Variants in DLG2 observed in about 807,000 individuals in gnomAD.
DLG2 encodes the protein disks large homolog 2.
In DLG2, 45 loss-of-function variants were observed where a neutral mutation model predicts 132.5. That is an observed-to-expected ratio of 0.34 (90% confidence interval 0.27 to 0.44). The LOEUF (loss-of-function observed/expected upper bound fraction) is 0.44. Among genes scored for constraint, DLG2 ranks in the 20% least tolerant of loss-of-function variants. DLG2 has a pLI of 1.00. For missense variants in DLG2, 1,045 were observed against 1,196.9 expected, an observed-to-expected ratio of 0.87 and a Z score of 1.87; for synonymous variants, 424 against 419.6, an observed-to-expected ratio of 1.01 and a Z score of -0.13.
intron 7 of DLG2, among the ~76,000 whole-genome samples, chr11:84,369,604 C>A (rs890207920): frequency 3.3e-5 from 5 of 152,000 alleles, no homozygotes; most frequent in African/African-American, 1.2e-4. Context: ...TGAAAGTTGG[C>A]CCCTGAAGTA....
At chr11:84,614,790 T>C (rs2099601146) in intron 6 of DLG2, among the ~76,000 whole-genome samples, 1 of 152,114 alleles carries the variant, frequency 6.6e-6, no homozygotes, top group Non-Finnish European at 1.5e-5. Flanking sequence ...ACACAAGATG[T>C]GTCATGATTA....
At chr11:84,609,456 G>C (rs561906238) in intron 6 of DLG2, among the ~76,000 whole-genome samples, 3 of 152,122 alleles carry the variant, frequency 2.0e-5, no homozygotes, top group Admixed American at 6.5e-5. Context: ...CGCAGTTTTT[G>C]GTGAGAAGAC....
At chr11:83,500,622 C>G (rs1307103852) in intron 21 of DLG2, among the ~76,000 whole-genome samples, 2 of 151,960 alleles carry the variant, frequency 1.3e-5, no homozygotes. Context: ...TTTTATGCTA[C>G]TGTCAGCTAG....
At chr11:83,977,891 C>T (rs527744322) in intron 12 of DLG2, among the ~76,000 whole-genome samples, 5 of 152,134 alleles carry the variant, frequency 3.3e-5, no homozygotes, top group Middle Eastern at 3.4e-3. Flanking sequence ...TGAGTTACTA[C>T]GGGGAAGAAT....
At chr11:84,246,309 G>T (rs1471516537) in intron 8 of DLG2, among the ~76,000 whole-genome samples, 1 of 152,216 alleles carries the variant, frequency 6.6e-6, no homozygotes, top group Non-Finnish European at 1.5e-5. Flanking sequence ...CAGGATGTGA[G>T]TTATTTCTTT....
intron 7 of DLG2, among the ~76,000 whole-genome samples, chr11:84,476,336 T>C (rs1016193361): frequency 6.6e-6 from 1 of 152,146 alleles, no homozygotes; most frequent in Admixed American, 6.6e-5. Flanking sequence ...AACAAACAAA[T>C]ACTTACAAAA....
chr11:83,696,184 G>C lies in DLG2; in HGVS notation c.1826-62859C>G, dbSNP rs554356870. Among the ~76,000 whole-genome samples, 164 of 152,276 alleles carry C rather than the reference G, an allele frequency of 1.1e-3. 5 individuals are homozygous for C. The South Asian group carries it at 0.034, about 32-fold the overall frequency. Reference sequence around the variant, plus strand: ...CAATGGCAGCAGTCCAGGTAGGAGGGATAGGGCCTGATCTTAGATGGCAGC... The same window carrying C: ...CAATGGCAGCAGTCCAGGTAGGAGGCATAGGGCCTGATCTTAGATGGCAGC... On this transcript the variant is annotated intron_variant, in intron 18 of 27. Coordinates refer to ENST00000376104, the MANE Select transcript of DLG2 (RefSeq NM_001142699.3).
intron 18 of DLG2, among the ~76,000 whole-genome samples, chr11:83,758,630 C>A (rs997331350): frequency 6.6e-6 from 1 of 152,092 alleles, no homozygotes; most frequent in African/African-American, 2.4e-5. Context: ...AAAGAGAATA[C>A]AAGTAACTAT....
chr11:85,472,115 G>A (rs1361775023), intron 3 of DLG2, among the ~76,000 whole-genome samples: 1 of 152,128 alleles, frequency 6.6e-6, no homozygotes, highest in Non-Finnish European at 1.5e-5. Context: ...TCCCTGACCA[G>A]GGTGAGAATT....
In DLG2 at chr11:85,114,841, T is replaced by G. The variant is rs181423657; in HGVS notation, c.283-3106A>C. Among the ~76,000 whole-genome samples, 219 of 152,032 alleles carry G rather than the reference T, an allele frequency of 1.4e-3. 2 individuals are homozygous for G. Among genetic ancestry groups the G allele is most frequent in the African/African-American group, 2.3e-3 (96 of 41,542 alleles). On this transcript the variant is annotated intron_variant, in intron 5 of 27. Coordinates refer to ENST00000376104, the MANE Select transcript of DLG2 (RefSeq NM_001142699.3). ...TCCAAAAACATGGGAATATTTTTTT[T>G]TGTGTATCAGGGGCTTATACACAGT...
intron 14 of DLG2, among the ~76,000 whole-genome samples, chr11:83,961,467 T>C (rs2088753275): frequency 6.6e-6 from 1 of 152,066 alleles, no homozygotes; most frequent in South Asian, 2.1e-4. Context: ...TTTCTACTTA[T>C]TAATAAAAGC....
intron 6 of DLG2, chr11:84,546,632 G>C: frequency 1.9e-6 from 1 of 526,158 alleles, no homozygotes; most frequent in South Asian, 1.5e-5. Context: ...TGGCATTTAG[G>C]GCTGCATCCA....
intron 11 of DLG2, among the ~76,000 whole-genome samples, chr11:84,013,524 T>C (rs1040936314): frequency 3.9e-5 from 6 of 152,138 alleles, no homozygotes; most frequent in Admixed American, 1.3e-4. Flanking sequence ...TTTCAGTTAA[T>C]AGAACTGATT....
At chr11:85,194,913 G>A (rs2080913418) in intron 4 of DLG2, among the ~76,000 whole-genome samples, 1 of 152,184 alleles carries the variant, frequency 6.6e-6, no homozygotes. Flanking sequence ...TTGGGATGCA[G>A]CTAGGTCTCA....
chr11:84,403,395 A>C (rs534575975), intron 7 of DLG2, among the ~76,000 whole-genome samples: 2 of 152,320 alleles, frequency 1.3e-5, no homozygotes, highest in African/African-American at 2.4e-5. Context: ...CCTGACAGCC[A>C]ATCAATTGCC....
At chr11:83,957,102 T>G (rs985977072) in intron 14 of DLG2, among the ~76,000 whole-genome samples, 3 of 152,244 alleles carry the variant, frequency 2.0e-5, no homozygotes, top group African/African-American at 7.2e-5. Context: ...ATACAAGATT[T>G]TATGTGTTTT....
chr11:84,051,917 GA>G (rs901481014), intron 11 of DLG2, among the ~76,000 whole-genome samples: 1 of 151,622 alleles, frequency 6.6e-6, no homozygotes, highest in African/African-American at 2.4e-5. Context: ...GAACCAAAAG[GA>G]AAAAAAGGAC....
intron 11 of DLG2, among the ~76,000 whole-genome samples, chr11:83,981,750 T>C (rs1262564252): frequency 6.6e-6 from 1 of 152,230 alleles, no homozygotes; most frequent in Admixed American, 6.5e-5. Context: ...AACTTTAAAA[T>C]GTATACTTAG....
chr11:84,440,478 C>T (rs2099014033), intron 7 of DLG2, among the ~76,000 whole-genome samples: 1 of 152,072 alleles, frequency 6.6e-6, no homozygotes, highest in Non-Finnish European at 1.5e-5. Context: ...TTTATACAAC[C>T]ATCTTCCCTG....
Sources: gnomAD v4.1 joint callset for allele counts (sites outside exome capture counted in the v4.1 genomes callset) on GRCh38, gnomAD v4.1.1 for gene constraint, MANE v1.5 for transcripts, NCBI Gene and HGNC (gene_info 2026-07-23, HGNC 2026-07-21) for gene names.